Variants in HIVEP3 observed in about 807,000 individuals in gnomAD.
HIVEP3 encodes transcription factor HIVEP3.
In HIVEP3, 49 loss-of-function variants were observed where a neutral mutation model predicts 152.8. The observed-to-expected ratio is 0.32, with a 90% CI of 0.26 to 0.41. The LOEUF (loss-of-function observed/expected upper bound fraction) is 0.41, where lower values mean the gene tolerates loss of function less well. HIVEP3 is among the 10% of genes least tolerant of loss of function. HIVEP3 has a pLI of 1.00. For synonymous variants in HIVEP3, 1,269 were observed against 1,289.0 expected, an observed-to-expected ratio of 0.98 and a Z score of 0.33; for missense variants, 2,790 against 3,103.3, an observed-to-expected ratio of 0.90 and a Z score of 2.40.
At chr1:41,566,319 C>T (rs1644161824) in intron 5 of HIVEP3, among the ~76,000 whole-genome samples, 1 of 152,182 alleles carries the variant, frequency 6.6e-6, no homozygotes, top group African/African-American at 2.4e-5. Context: ...CACCCCCAAA[C>T]CAGCATCCTC....
intron 1 of HIVEP3, among the ~76,000 whole-genome samples, chr1:41,830,069 T>C (rs751205988): frequency 6.6e-6 from 1 of 152,222 alleles, no homozygotes; most frequent in Non-Finnish European, 1.5e-5. Flanking sequence ...CATGTCAAGG[T>C]CTCATTGACC....
intron 1 of HIVEP3, among the ~76,000 whole-genome samples, chr1:41,906,048 G>A (rs949893346): frequency 6.6e-5 from 10 of 152,136 alleles, no homozygotes; most frequent in Non-Finnish European, 8.8e-5. Flanking sequence ...GGTGGCTCAC[G>A]CCTGTAATCC....
chr1:41,994,269 A>C (rs1645382090), intron 1 of HIVEP3, among the ~76,000 whole-genome samples: 1 of 151,894 alleles, frequency 6.6e-6, no homozygotes, highest in Non-Finnish European at 1.5e-5. Context: ...ACTTAGCAAA[A>C]AAAAAAAAAA....
At chr1:41,712,247 G>A (rs1646523991) in intron 1 of HIVEP3, among the ~76,000 whole-genome samples, 1 of 152,364 alleles carries the variant, frequency 6.6e-6, no homozygotes, top group East Asian at 1.9e-4. Context: ...GGAGAAGCAG[G>A]AACAGGGCCA....
At chr1:41,828,154 G>A (rs1253085631) in intron 1 of HIVEP3, among the ~76,000 whole-genome samples, 1 of 152,222 alleles carries the variant, frequency 6.6e-6, no homozygotes, top group East Asian at 1.9e-4. Flanking sequence ...AGTCACTCTG[G>A]ACCCTAGTAA....
Position 41,511,054 on chromosome 1 carries a change from C to T in HIVEP3, c.6618G>A (p.Arg2206=), listed in dbSNP as rs376192406. 11 of 1,613,968 alleles carry T rather than the reference C, an allele frequency of 6.8e-6. 1 individual carries two copies. The highest frequency in any genetic ancestry group is 3.3e-4 in the Middle Eastern group (2 of 6,060). ...GCAGCAGGGTGGGGTGGGCTCCTGG[C>T]CGGGCCTGCACCATCTGGATCCCAC... ...PIGGIQMVQA[R]PGAHPTLLPG... is the part of the protein sequence containing the mutation. Residue 2206 remains arginine (R), a synonymous_variant, in exon 9 of 9, where the codon CGG becomes CGA. Coordinates refer to ENST00000372583, the MANE Select transcript of HIVEP3 (RefSeq NM_024503.5). The surrounding 1 kb of genome is among the most constrained non-coding windows in gnomAD (Gnocchi z 4.9).
intron 1 of HIVEP3, among the ~76,000 whole-genome samples, chr1:41,834,582 A>C (rs1335925323): frequency 6.6e-6 from 1 of 152,160 alleles, no homozygotes; most frequent in Non-Finnish European, 1.5e-5. Flanking sequence ...TGGTTCCTCC[A>C]CAAAGCAGTG....
intron 2 of HIVEP3, among the ~76,000 whole-genome samples, chr1:41,668,695 C>T (rs188427837): frequency 2.6e-3 from 395 of 152,342 alleles, no homozygotes; most frequent in Middle Eastern, 0.01. Flanking sequence ...TTAGTGAACT[C>T]GTCCTATAAG....
In HIVEP3 at chr1:41,509,454, C is replaced by G. The variant is rs1054983991; in HGVS notation, c.*997G>C. Reference sequence around the variant, plus strand: ...CCAGGGACCAAGATGAAACAAAACCCAAAACCCAGTCTCAGGAACGGCCGC... The same window carrying G: ...CCAGGGACCAAGATGAAACAAAACCGAAAACCCAGTCTCAGGAACGGCCGC... On this transcript the variant is annotated 3_prime_UTR_variant, in exon 9 of 9. Transcript: ENST00000372583. 2.0e-5 allele frequency: 3 copies of G among 152,272 alleles called. No homozygotes were observed. The highest frequency in any genetic ancestry group is 4.4e-5 in the Non-Finnish European group (3 of 68,090). 9.4% of individuals were successfully genotyped at this position (152,272 alleles called of 1,614,324 possible).
At chr1:41,952,440 T>C (rs1570839867) in intron 1 of HIVEP3, among the ~76,000 whole-genome samples, 2 of 152,290 alleles carry the variant, frequency 1.3e-5, no homozygotes, top group East Asian at 3.9e-4. Context: ...ATTCATTCAT[T>C]CATTCATTCA....
chr1:41,915,638 G>A (rs542713253), intron 1 of HIVEP3, among the ~76,000 whole-genome samples: 1 of 152,354 alleles, frequency 6.6e-6, no homozygotes, highest in East Asian at 1.9e-4. Context: ...AACTGGATAA[G>A]TGAAATTATG....
Position 41,750,860 on chromosome 1 carries a change from A to G in HIVEP3, c.-800-49865T>C, listed in dbSNP as rs112272863. On this transcript the variant is annotated intron_variant, in intron 1 of 8. Transcript: ENST00000372583. The stretch of plus-strand genomic sequence containing the variant: ...ATTACAGGTGTGTAGGATTACAGGT[A>G]TGCACCACCACGCCTGGCTAATTTT... 4.5e-3 allele frequency among the ~76,000 whole-genome samples: 690 copies of G among 152,208 alleles called. 6 individuals carry two copies. Among genetic ancestry groups the G allele is most frequent in the African/African-American group, 0.016 (658 of 41,520 alleles).
intron 2 of HIVEP3, among the ~76,000 whole-genome samples, chr1:41,679,285 T>C (rs576593413): frequency 1.3e-5 from 2 of 152,268 alleles, no homozygotes; most frequent in South Asian, 4.1e-4. Context: ...ATGAGGAAGC[T>C]GAAACTCCCA....
At chr1:41,881,375 G>A (rs1644258471) in intron 1 of HIVEP3, among the ~76,000 whole-genome samples, 2 of 152,134 alleles carry the variant, frequency 1.3e-5, no homozygotes, top group Non-Finnish European at 1.5e-5. Context: ...CATAATTTGG[G>A]TCATAACATG....
intron 1 of HIVEP3, among the ~76,000 whole-genome samples, chr1:41,872,297 G>A (rs966751693): frequency 3.9e-5 from 6 of 152,190 alleles, no homozygotes; most frequent in South Asian, 4.1e-4. Flanking sequence ...ACAGAGTGGC[G>A]GGATTGGTTA....
chr1:41,527,999 C>T (rs1295441033), intron 5 of HIVEP3, among the ~76,000 whole-genome samples: 2 of 147,952 alleles, frequency 1.4e-5, no homozygotes, highest in South Asian at 4.3e-4. Context: ...CTCCCGCACT[C>T]ACACTCCACA....
In HIVEP3 at chr1:41,977,384, A is replaced by G. The variant is rs559004702; in HGVS notation, n.119+58423T>C. On this transcript the variant is annotated intron_variant and non_coding_transcript_variant, in intron 1 of 3. Transcript: ENST00000489103. ...AATAAGGGAACACAGCTACCCCAGG[A>G]GAGAGGTGTGCCCCACGCTCCCCCA... Among the ~76,000 whole-genome samples, 37 of 152,176 alleles carry G rather than the reference A, an allele frequency of 2.4e-4. No individual in the cohort carries two copies. In the South Asian group the frequency reaches 7.3e-3, roughly 30 times the overall value.
At chr1:41,910,353 T>C (rs1035076440) in intron 1 of HIVEP3, among the ~76,000 whole-genome samples, 2 of 151,990 alleles carry the variant, frequency 1.3e-5, no homozygotes, top group African/African-American at 4.8e-5. Context: ...TTTACCAATA[T>C]TGATTTAAGA....
At chr1:41,872,664 G>A (rs191686444) in intron 1 of HIVEP3, among the ~76,000 whole-genome samples, 7 of 152,226 alleles carry the variant, frequency 4.6e-5, no homozygotes, top group Admixed American at 6.5e-5. Context: ...ATATATACTT[G>A]TTGATATCTG....
Sources: gnomAD v4.1 joint callset for allele counts (sites outside exome capture counted in the v4.1 genomes callset) on GRCh38, gnomAD v4.1.1 for gene constraint, Gnocchi (gnomAD v3.1) non-coding constraint, MANE v1.5 for transcripts, NCBI Gene and HGNC (gene_info 2026-07-23, HGNC 2026-07-21) for gene names.